ARMC9: variants seen among roughly 807,000 people sequenced by gnomAD.
The protein encoded by ARMC9 is lisH domain-containing protein ARMC9.
Under a neutral mutation model 107.0 loss-of-function variants are expected in ARMC9, and 94 were observed. The observed-to-expected ratio is 0.88, with a 90% CI of 0.74 to 1.04. ARMC9 has a LOEUF of 1.04. ARMC9 is among the 50% of genes least tolerant of loss of function. ARMC9 has a pLI of 0.00. For synonymous variants in ARMC9, 380 were observed against 396.9 expected, an observed-to-expected ratio of 0.96 and a Z score of 0.51; for missense variants, 942 against 1,030.1, an observed-to-expected ratio of 0.91 and a Z score of 1.17.
At chr2:231,296,152 C>A in intron 18 of ARMC9, 46 bp from the exon 19 acceptor site, 1 of 1,465,862 alleles carries the variant, frequency 6.8e-7, no homozygotes, top group Non-Finnish European at 9.5e-7. Context: ...TGGACCAAGG[C>A]TCCCACTGTT....
At chr2:231,365,790 A>G (rs2045792545) in intron 23 of ARMC9, among the ~76,000 whole-genome samples, 1 of 151,948 alleles carries the variant, frequency 6.6e-6, no homozygotes, top group African/African-American at 2.4e-5. Context: ...CTGGGGCTTC[A>G]TGTGTCGTTT....
chr2:231,297,574 A>G lies in ARMC9; in HGVS notation c.1773+1321A>G, dbSNP rs1409747327. On this transcript the variant is annotated intron_variant, in intron 19 of 24. Coordinates refer to ENST00000611582, the MANE Select transcript of ARMC9 (RefSeq NM_001352754.2). The surrounding 1 kb of genome is among the most constrained non-coding windows in gnomAD (Gnocchi z 4.2). ...TGTGTTCCTGTAAAACTATTTATGG[A>G]CGCTAAAAATTTGAATTTCATACAA... is the stretch of plus-strand genomic sequence containing the variant. 6.6e-6 allele frequency among the ~76,000 whole-genome samples: 1 copy of G among 152,226 alleles called. No individual in the cohort carries two copies. The highest frequency in any genetic ancestry group is 2.4e-5 in the African/African-American group (1 of 41,452).
intron 11 of ARMC9, among the ~76,000 whole-genome samples, chr2:231,261,100 A>G (rs2038299602): frequency 6.6e-6 from 1 of 152,150 alleles, no homozygotes; most frequent in Admixed American, 6.5e-5. Context: ...GCCCACGCTA[A>G]GAACTAGCAT....
chr2:231,314,814 TTTAG>T lies in ARMC9; in HGVS notation c.1774-16975_1774-16972del, dbSNP rs201370721. Among the ~76,000 whole-genome samples, 907 of 152,352 alleles carry T rather than the reference TTTAG, an allele frequency of 6.0e-3. 10 individuals carry two copies. Among genetic ancestry groups the T allele is most frequent in the African/African-American group, 0.021 (877 of 41,576 alleles). On this transcript the variant is annotated intron_variant, in intron 19 of 24. Coordinates refer to ENST00000611582, the MANE Select transcript of ARMC9 (RefSeq NM_001352754.2). ...TCCTATGTTTAGGTATAGGACCATTTTTAGTTAATTTTTGTGTGTGATGTGAGAT... is the reference window on the plus strand; with the variant it reads ...TCCTATGTTTAGGTATAGGACCATTTTTAATTTTTGTGTGTGATGTGAGAT...
chr2:231,300,512 G>A (rs1022794504), intron 19 of ARMC9, among the ~76,000 whole-genome samples: 5 of 152,200 alleles, frequency 3.3e-5, no homozygotes, highest in Non-Finnish European at 5.9e-5. Flanking sequence ...CGGGTGCCAG[G>A]CACTGTTCTA....
chr2:231,282,223 A>G, intron 17 of ARMC9, 90 bp downstream of exon 17: 1 of 1,303,982 alleles, frequency 7.7e-7, no homozygotes, highest in Non-Finnish European at 1.1e-6. Flanking sequence ...TGGGCTCCAT[A>G]GAAAGGCTCA....
Position 231,371,721 on chromosome 2 carries a change from T to G in ARMC9, c.*186T>G. On this transcript the variant is annotated 3_prime_UTR_variant, in exon 25 of 25. Coordinates refer to ENST00000611582, the MANE Select transcript of ARMC9 (RefSeq NM_001352754.2). ...TCGCAGCCCCGCCAGCCGGGTCACT[T>G]TCTCCCAGGGCAGAGCCACCAAGGA... 2 of 536,316 alleles carry G rather than the reference T, an allele frequency of 3.7e-6. No homozygotes were observed. The highest frequency in any genetic ancestry group is 2.0e-4 in the South Asian group (2 of 9,984). 33.2% of individuals were successfully genotyped at this position (536,316 alleles called of 1,614,324 possible).
At chr2:231,222,659 C>A in intron 5 of ARMC9, 69 bp from the exon 6 acceptor site, 2 of 877,806 alleles carry the variant, frequency 2.3e-6, no homozygotes, top group Admixed American at 2.5e-5. Flanking sequence ...AGCCTAATGA[C>A]CTCAACTTGA....
chr2:231,212,968 G>C (rs1206993368), intron 3 of ARMC9, among the ~76,000 whole-genome samples: 1 of 152,142 alleles, frequency 6.6e-6, no homozygotes, highest in Admixed American at 6.5e-5. Context: ...ACATGACATA[G>C]TGAAATTTTT....
At chr2:231,356,722 G>A (rs2045358451) in intron 22 of ARMC9, among the ~76,000 whole-genome samples, 2 of 152,146 alleles carry the variant, frequency 1.3e-5, no homozygotes. Flanking sequence ...AGTTTCAGAG[G>A]TTTTGCCAGC....
At chr2:231,339,924 ACT>A (rs2044394866) in intron 20 of ARMC9, among the ~76,000 whole-genome samples, 2 of 152,176 alleles carry the variant, frequency 1.3e-5, no homozygotes, top group Admixed American at 1.3e-4. Context: ...CAAGAGTGAA[ACT>A]CTGTCTCAAC....
intron 3 of ARMC9, among the ~76,000 whole-genome samples, chr2:231,214,210 C>G (rs1420665967): frequency 2.0e-5 from 3 of 152,264 alleles, no homozygotes; most frequent in Admixed American, 6.5e-5. Flanking sequence ...CCAGCCTTCT[C>G]TGTCGCTGCA....
At chr2:231,345,458 T>C (rs77469029) in intron 21 of ARMC9, among the ~76,000 whole-genome samples, 4,400 of 152,352 alleles carry the variant, frequency 0.029, 88 homozygotes, top group Non-Finnish European at 0.041. Context: ...GGGATTGGAA[T>C]GTTACAGTTT....
chr2:231,298,979 A>G (rs1054510609), intron 19 of ARMC9, among the ~76,000 whole-genome samples: 1 of 152,142 alleles, frequency 6.6e-6, no homozygotes, highest in Admixed American at 6.6e-5. Flanking sequence ...AGACCAGGGT[A>G]AATTATGCTC....
At chr2:231,354,169 C>T (rs1040462842) in intron 21 of ARMC9, among the ~76,000 whole-genome samples, 1 of 149,966 alleles carries the variant, frequency 6.7e-6, no homozygotes, top group Non-Finnish European at 1.5e-5. Context: ...TGGTGGCTCA[C>T]GCCTGTAATC....
In ARMC9 at chr2:231,220,841, A is replaced by G. The variant is rs903445973; in HGVS notation, c.505-1887A>G. ...AGAGCATCATAAAGTAAGTAATTAC[A>G]TTGAAAACACATATTTGTTGGTAAT... is the stretch of plus-strand genomic sequence containing the variant. On this transcript the variant is annotated intron_variant, in intron 5 of 24. Coordinates refer to ENST00000611582, the MANE Select transcript of ARMC9 (RefSeq NM_001352754.2). Among the ~76,000 whole-genome samples the G allele has an allele frequency of 6.6e-5, 10 of 152,378 alleles. 1 individual carries two copies. The South Asian group carries it at 2.1e-3, about 32-fold the overall frequency.
intron 9 of ARMC9, among the ~76,000 whole-genome samples, chr2:231,254,162 A>G (rs1347032533): frequency 6.6e-6 from 1 of 152,198 alleles, no homozygotes; most frequent in African/African-American, 2.4e-5. Flanking sequence ...CTAAATGTAA[A>G]AAATAAAGCT....
At chr2:231,258,728 A>C (rs1025745862) in intron 10 of ARMC9, among the ~76,000 whole-genome samples, 1 of 152,150 alleles carries the variant, frequency 6.6e-6, no homozygotes, top group African/African-American at 2.4e-5. Flanking sequence ...AGGGGTTTCT[A>C]AATCTGTTCA....
chr2:231,309,726 T>TC (rs1195003108), intron 19 of ARMC9, among the ~76,000 whole-genome samples: 2 of 152,140 alleles, frequency 1.3e-5, no homozygotes, highest in African/African-American at 4.8e-5. Context: ...CAATTTTTTT[T>TC]TTTTGCAAAA....
Sources: gnomAD v4.1 joint callset for allele counts (sites outside exome capture counted in the v4.1 genomes callset) on GRCh38, gnomAD v4.1.1 for gene constraint, Gnocchi (gnomAD v3.1) non-coding constraint, MANE v1.5 for transcripts, NCBI Gene and HGNC (gene_info 2026-07-23, HGNC 2026-07-21) for gene names.